Variants in FSD1L observed in about 807,000 individuals in gnomAD.
The protein encoded by FSD1L is FSD1-like protein.
FSD1L carries 45 observed loss-of-function variants against 71.6 expected under a neutral mutation model. The observed-to-expected ratio is 0.63, with a 90% confidence interval of 0.49 to 0.81. The LOEUF is 0.81. Ranked by LOEUF, FSD1L falls within the 30% of genes least tolerant of loss-of-function variation. The pLI, the probability that FSD1L is intolerant of heterozygous loss-of-function variation, is 0.00. For synonymous variants in FSD1L, 197 were observed against 207.2 expected, an observed-to-expected ratio of 0.95 and a Z score of 0.42; for missense variants, 561 against 618.1, an observed-to-expected ratio of 0.91 and a Z score of 0.98.
chr9:105,510,265 A>C (rs1452705904), intron 9 of FSD1L, among the ~76,000 whole-genome samples: 1 of 152,198 alleles, frequency 6.6e-6, no homozygotes, highest in African/African-American at 2.4e-5. Context: ...GAATAGACTG[A>C]AACTCAACTC....
intron 7 of FSD1L, among the ~76,000 whole-genome samples, chr9:105,496,502 A>G (rs1402218546): frequency 6.6e-6 from 1 of 152,158 alleles, no homozygotes; most frequent in African/African-American, 2.4e-5. Context: ...CATCTTAAGA[A>G]CATTGAGTAT....
rs914235756 is a variant in FSD1L, at chr9:105,520,124, C to T, written c.1025+7188C>T. ...GCAGTGGCAGTGGCAGTGGCAGCGG[C>T]AGGATGTTCTCCAAGAAGCCGCACG... On this transcript the variant is annotated intron_variant, in intron 10 of 13. Transcript: ENST00000481272. 92 of 1,598,062 alleles carry T rather than the reference C, an allele frequency of 5.8e-5. 1 individual carries two copies. The South Asian group carries it at 7.2e-4, about 12-fold the overall frequency.
chr9:105,477,710 A>G (rs1269821461), intron 5 of FSD1L, among the ~76,000 whole-genome samples: 1 of 152,242 alleles, frequency 6.6e-6, no homozygotes, highest in African/African-American at 2.4e-5. Context: ...CTTTAATGAT[A>G]GTAATTAAAA....
intron 10 of FSD1L, chr9:105,521,475 G>A: frequency 6.2e-7 from 1 of 1,613,882 alleles, no homozygotes; most frequent in Non-Finnish European, 8.5e-7. Flanking sequence ...AAGGAGTAAT[G>A]TAAACTTTGT....
At chr9:105,525,050 C>T (rs1261508986) in intron 10 of FSD1L, 19 of 1,578,658 alleles carry the variant, frequency 1.2e-5, no homozygotes, top group East Asian at 6.7e-5. Context: ...AATCATAGTA[C>T]GTGATCTCTC....
At chr9:105,477,972 T>C (rs1831919856) in intron 5 of FSD1L, among the ~76,000 whole-genome samples, 1 of 152,184 alleles carries the variant, frequency 6.6e-6, no homozygotes, top group African/African-American at 2.4e-5. Flanking sequence ...TGCCTGGGTG[T>C]GCTGGCTCAT....
At chr9:105,464,084 C>G (rs1830899037) in intron 2 of FSD1L, among the ~76,000 whole-genome samples, 152 bp from the exon 3 acceptor site, 1 of 152,014 alleles carries the variant, frequency 6.6e-6, no homozygotes, top group South Asian at 2.1e-4. Flanking sequence ...TAATTATAAG[C>G]CTTTGGAAGT....
chr9:105,539,358 A>G lies in FSD1L; in HGVS notation c.1467+7A>G, dbSNP rs986205108. 3.9e-6 allele frequency: 5 copies of G among 1,297,142 alleles called. No homozygotes were observed. The highest frequency in any genetic ancestry group is 5.3e-6 in the Non-Finnish European group (5 of 938,836). The allele number at this position is 1,297,142 out of a possible 1,614,324, so 80.4% of individuals were successfully genotyped here. ...AGTACTACCTGGTTTCATGGTTAGT[A>G]TGTTTTATATCTTATATATACCTAA... On this transcript the variant is annotated splice_region_variant and intron_variant, in intron 13 of 13. Transcript: ENST00000481272.
At chr9:105,527,749 C>T (rs1415993203) in intron 10 of FSD1L, among the ~76,000 whole-genome samples, 3 of 151,680 alleles carry the variant, frequency 2.0e-5, no homozygotes, top group Non-Finnish European at 2.9e-5. Flanking sequence ...CAAGGATGCC[C>T]TCTCTCACCA....
At chr9:105,506,190 A>G (rs979870808) in intron 7 of FSD1L, among the ~76,000 whole-genome samples, 3 of 152,232 alleles carry the variant, frequency 2.0e-5, no homozygotes, top group African/African-American at 4.8e-5. Context: ...GTAGCAAGTT[A>G]TTCTCGATTC....
chr9:105,448,057 T>A lies in FSD1L; in HGVS notation c.-164T>A, dbSNP rs1253607836. The A allele has an allele frequency of 1.1e-5, 8 of 749,954 alleles. No homozygotes were observed. Among genetic ancestry groups the A allele is most frequent in the South Asian group, 9.4e-5 (6 of 63,600 alleles). The allele number at this position is 749,954 out of a possible 1,614,324, so 46.5% of individuals were successfully genotyped here. ...CCCTTTCACCCTGGCAACCGCGGCG[T>A]GACTACGGCGCGCGCGGTCTGGGCG... is the stretch of plus-strand genomic sequence containing the variant. On this transcript the variant is annotated 5_prime_UTR_variant, in exon 1 of 14. Coordinates refer to ENST00000481272, the MANE Select transcript of FSD1L (RefSeq NM_001145313.3).
In FSD1L at chr9:105,468,266, A is replaced by C. The variant is rs558030053; in HGVS notation, c.281A>C (p.Lys94Thr). Reference sequence around the variant, plus strand: ...TTATACTCTATACTGGATGAAGTAAAAGAAAGTATGATTAACTGTATCAAG... The same window carrying C: ...TTATACTCTATACTGGATGAAGTAACAGAAAGTATGATTAACTGTATCAAG... ...DSLYSILDEV[K>T]ESMINCIKQE... Residue 94 changes from lysine to threonine, a missense_variant, in exon 4 of 14, where the codon AAA (lysine) becomes ACA (threonine). Physicochemically the swap from Lys to Thr is moderately conservative, Grantham distance 78. Coordinates refer to ENST00000481272, the MANE Select transcript of FSD1L (RefSeq NM_001145313.3). The C allele has an allele frequency of 8.1e-6, 12 of 1,486,538 alleles. No homozygotes were observed. The highest frequency in any genetic ancestry group is 8.9e-6 in the Non-Finnish European group (10 of 1,123,998). The allele number at this position is 1,486,538 out of a possible 1,614,324, so 92.1% of individuals were successfully genotyped here. A position where few individuals can be genotyped will look rare whatever the true frequency, so the allele number is the denominator to read the frequency against.
At position 105,468,271 on chromosome 9, in the gene FSD1L, A is replaced by C. The variant is rs781302444; in HGVS notation, c.286A>C (p.Ser96Arg). ...CTCTATACTGGATGAAGTAAAAGAA[A>C]GTATGATTAACTGTATCAAGCAGGA... ...LYSILDEVKE[S>R]MINCIKQEQA... The change falls in exon 4 of 14, where the codon AGT (serine) becomes CGT (arginine). Residue 96 changes from serine to arginine, a missense_variant. Around this residue, in one of 3 missense-constraint regions of FSD1L, gnomAD observed 410 missense variants for 413.5 expected, o/e 0.99. Transcript: ENST00000481272. 1.3e-6 allele frequency: 2 copies of C among 1,487,036 alleles called. No homozygotes were observed. Among genetic ancestry groups the C allele is most frequent in the African/African-American group, 2.9e-5 (2 of 68,430 alleles). The allele number at this position is 1,487,036 out of a possible 1,614,324, so 92.1% of individuals were successfully genotyped here. A position where few individuals can be genotyped will look rare whatever the true frequency, so the allele number is the denominator to read the frequency against.
intron 10 of FSD1L, among the ~76,000 whole-genome samples, chr9:105,531,982 A>T (rs1179820623): frequency 3.3e-5 from 5 of 152,148 alleles, no homozygotes; most frequent in Non-Finnish European, 7.4e-5. Context: ...GGTTTCTTTC[A>T]TGAAATGTTT....
chr9:105,533,892 T>C (rs1836090493), intron 10 of FSD1L, among the ~76,000 whole-genome samples: 1 of 151,936 alleles, frequency 6.6e-6, no homozygotes, highest in Non-Finnish European at 1.5e-5. Context: ...CCCTACTAAT[T>C]TTGTATTTTT....
intron 10 of FSD1L, chr9:105,522,068 A>G: frequency 6.2e-7 from 1 of 1,613,298 alleles, no homozygotes; most frequent in Non-Finnish European, 8.5e-7. Context: ...TACAGTTCCA[A>G]GGGAAAAAAA....
chr9:105,460,009 A>C (rs1336328764), intron 1 of FSD1L, among the ~76,000 whole-genome samples: 1 of 152,212 alleles, frequency 6.6e-6, no homozygotes, highest in Non-Finnish European at 1.5e-5. Flanking sequence ...TGTTAAATTC[A>C]AGAGCTGTAG....
intron 13 of FSD1L, among the ~76,000 whole-genome samples, chr9:105,542,567 C>A (rs886695286): frequency 6.6e-6 from 1 of 152,162 alleles, no homozygotes; most frequent in Admixed American, 6.6e-5. Context: ...GATCCTCCCA[C>A]CTTAGCCTCC....
rs541445255 is a variant in FSD1L, at chr9:105,476,618, T to C, written c.442-2736T>C. On this transcript the variant is annotated intron_variant, in intron 5 of 13. Transcript: ENST00000481272. ...TCCAAGAAGCTTAGTTATATTACTT[T>C]ACTCAACATCACTCTTTAGATCTTC... Among the ~76,000 whole-genome samples, 22 of 152,358 alleles carry C rather than the reference T, an allele frequency of 1.4e-4. No homozygotes were observed. In the South Asian group the frequency reaches 4.3e-3, roughly 30 times the overall value.
Sources: gnomAD v4.1 joint callset for allele counts (sites outside exome capture counted in the v4.1 genomes callset) on GRCh38, gnomAD v4.1.1 for gene constraint, gnomAD v4.1.1 regional missense constraint, MANE v1.5 for transcripts, NCBI Gene and HGNC (gene_info 2026-07-23, HGNC 2026-07-21) for gene names.